FOXN3: variants seen among roughly 807,000 people sequenced by gnomAD.
FOXN3 encodes the protein forkhead box N3, also known as forkhead box protein N3.
Under a neutral mutation model 38.4 loss-of-function variants are expected in FOXN3, and 7 were observed. The observed-to-expected ratio is 0.18, with a 90% CI of 0.10 to 0.34. FOXN3 has a LOEUF of 0.34. Among genes scored for constraint, FOXN3 ranks in the 10% least tolerant of loss-of-function variants. FOXN3 has a pLI of 1.00. For synonymous variants in FOXN3, 230 were observed against 242.2 expected (o/e 0.95, Z 0.47); for missense variants, 456 against 613.4 (o/e 0.74, Z 2.71).
chr14:89,510,893 A>C (rs1894042724), intron 1 of FOXN3, among the ~76,000 whole-genome samples: 1 of 152,162 alleles, frequency 6.6e-6, no homozygotes, highest in African/African-American at 2.4e-5. Context: ...CAGTGAGCTG[A>C]GATCACACCA....
intron 1 of FOXN3, among the ~76,000 whole-genome samples, chr14:89,460,751 C>A (rs1373426491): frequency 6.6e-6 from 1 of 152,102 alleles, no homozygotes; most frequent in African/African-American, 2.4e-5. Flanking sequence ...AAGACAAATG[C>A]CGGGCGCGGT....
intron 1 of FOXN3, chr14:89,577,280 C>G (rs1334229313): frequency 6.6e-6 from 1 of 152,116 alleles, no homozygotes; most frequent in Non-Finnish European, 1.5e-5. Context: ...CAGTGCATTC[C>G]TTTTTCATAC....
chr14:89,190,601 A>T, intron 4 of FOXN3: 1 of 594,962 alleles, frequency 1.7e-6, no homozygotes, highest in East Asian at 2.8e-5. Flanking sequence ...CTTTCTTCCC[A>T]GTGGGATTTG....
chr14:89,211,529 C>A (rs934925447), intron 4 of FOXN3, among the ~76,000 whole-genome samples: 11 of 152,168 alleles, frequency 7.2e-5, no homozygotes, highest in African/African-American at 2.7e-4. Context: ...AGGAAACAGG[C>A]TACAAAGAGG....
intron 3 of FOXN3, among the ~76,000 whole-genome samples, chr14:89,288,278 G>A (rs1886698690): frequency 6.6e-6 from 1 of 151,972 alleles, no homozygotes; most frequent in Non-Finnish European, 1.5e-5. Context: ...TTACTCAGAG[G>A]GCAATGCACC....
chr14:89,311,678 T>C (rs757233382), intron 3 of FOXN3, among the ~76,000 whole-genome samples: 1 of 150,502 alleles, frequency 6.6e-6, no homozygotes, highest in Non-Finnish European at 1.5e-5. Flanking sequence ...TACAAAAAAT[T>C]AGCCGGGCAT....
chr14:89,557,451 T>C (rs150568691), intron 1 of FOXN3, among the ~76,000 whole-genome samples: 30 of 152,250 alleles, frequency 2.0e-4, no homozygotes, highest in South Asian at 1.5e-3. Flanking sequence ...AGGGGATCAT[T>C]CCAAGGGAAT....
At chr14:89,423,275 C>T (rs1891954340) in intron 1 of FOXN3, among the ~76,000 whole-genome samples, 1 of 152,220 alleles carries the variant, frequency 6.6e-6, no homozygotes, top group Non-Finnish European at 1.5e-5. Flanking sequence ...AGCAGGTTAA[C>T]CTCAGTCAAG....
At chr14:89,363,989 AT>A (rs1566969037) in intron 2 of FOXN3, among the ~76,000 whole-genome samples, 6 of 49,632 alleles carry the variant, frequency 1.2e-4, no homozygotes, top group East Asian at 4.1e-4. Context: ...TATATATATA[AT>A]ATATATATAT....
intron 4 of FOXN3, among the ~76,000 whole-genome samples, chr14:89,199,050 TATAACAGCCGCCTCTGATCTTG>T (rs1256489293): frequency 6.6e-6 from 1 of 152,232 alleles, no homozygotes; most frequent in Non-Finnish European, 1.5e-5. Flanking sequence ...TCAAGATATC[TATAACAGCCGCCTCTGATCTTG>T]AAGGCAGCAG....
intron 1 of FOXN3, among the ~76,000 whole-genome samples, chr14:89,582,933 T>TAATGTC (rs1413387702): frequency 2.0e-5 from 3 of 152,228 alleles, no homozygotes; most frequent in Non-Finnish European, 2.9e-5. Flanking sequence ...GATTCTTCCA[T>TAATGTC]AATGTCATGT....
chr14:89,198,545 T>C (rs61985222), intron 4 of FOXN3, among the ~76,000 whole-genome samples: 22,724 of 152,236 alleles, frequency 0.15, 1,905 homozygotes, highest in Non-Finnish European at 0.2. Flanking sequence ...TAGATCTGCA[T>C]TAACGCACAC....
chr14:89,309,757 C>T (rs933535157), intron 3 of FOXN3, among the ~76,000 whole-genome samples: 2 of 152,146 alleles, frequency 1.3e-5, no homozygotes, highest in African/African-American at 4.8e-5. Flanking sequence ...CAGGCTTGAG[C>T]CTCACCTCAC....
chr14:89,556,977 T>C lies in FOXN3; in HGVS notation c.-15+62051A>G, dbSNP rs186736930. Among the ~76,000 whole-genome samples, 10 of 152,278 alleles carry C rather than the reference T, an allele frequency of 6.6e-5. No homozygotes were observed. The South Asian group carries it at 1.7e-3, about 25-fold the overall frequency. The stretch of plus-strand genomic sequence containing the variant: ...GAGCCGCCTCTGAGCACCTGGGGTA[T>C]AGACAGACACCGGAACCTGTGGGGT... On this transcript the variant is annotated intron_variant, in intron 1 of 6. Transcript: ENST00000345097.
intron 2 of FOXN3, among the ~76,000 whole-genome samples, chr14:89,358,361 GC>G (rs1327035394): frequency 1.3e-5 from 2 of 152,190 alleles, no homozygotes; most frequent in Non-Finnish European, 2.9e-5. Context: ...AGGGATTTGG[GC>G]TGGGTCCTGT....
intron 1 of FOXN3, among the ~76,000 whole-genome samples, chr14:89,602,743 G>A (rs1455578612): frequency 2.6e-5 from 4 of 152,056 alleles, no homozygotes; most frequent in Non-Finnish European, 4.4e-5. Flanking sequence ...TGATCCACCT[G>A]CCTCGGCCTC....
At chr14:89,457,642 G>A (rs1459840404) in intron 1 of FOXN3, among the ~76,000 whole-genome samples, 1 of 152,134 alleles carries the variant, frequency 6.6e-6, no homozygotes, top group South Asian at 2.1e-4. Flanking sequence ...CCTACCCAGA[G>A]GAATCCTCTA....
chr14:89,200,298 C>CA (rs1200340226), intron 4 of FOXN3, among the ~76,000 whole-genome samples: 2 of 152,170 alleles, frequency 1.3e-5, no homozygotes, highest in Non-Finnish European at 2.9e-5. Flanking sequence ...GTCAGCTCCC[C>CA]AACAGGGGGC....
chr14:89,294,526 A>T (rs1056224851), intron 3 of FOXN3, among the ~76,000 whole-genome samples: 4 of 152,190 alleles, frequency 2.6e-5, no homozygotes, highest in African/African-American at 9.7e-5. Flanking sequence ...TGGGCTGCCT[A>T]CCCAGATGGT....
Sources: gnomAD v4.1 joint callset for allele counts (sites outside exome capture counted in the v4.1 genomes callset) on GRCh38, gnomAD v4.1.1 for gene constraint, MANE v1.5 for transcripts, NCBI Gene and HGNC (gene_info 2026-07-23, HGNC 2026-07-21) for gene names.